The following CSMD1 variants were observed in gnomAD, a reference collection of about 807,000 sequenced individuals.
The protein encoded by CSMD1 is CUB and sushi domain-containing protein 1.
Under a neutral mutation model 417.5 loss-of-function variants are expected in CSMD1, and 213 were observed. The observed-to-expected ratio is 0.51, with a 90% CI of 0.46 to 0.57. CSMD1 has a LOEUF of 0.57. CSMD1 is among the 20% of genes least tolerant of loss of function. The pLI is 0.00. For synonymous variants in CSMD1, 2,862 were observed against 1,736.8 expected (o/e 1.65, Z -16.11); for missense variants, 6,923 against 4,529.7 (o/e 1.53, Z -15.17).
At chr8:4,275,154 C>T (rs542918265) in intron 3 of CSMD1, among the ~76,000 whole-genome samples, 15 of 152,180 alleles carry the variant, frequency 9.9e-5, no homozygotes, top group East Asian at 3.9e-4. Context: ...GTAGCTTTTA[C>T]GGCATAGTTA....
rs570423662 is a variant in CSMD1 at position 4,852,875 on chromosome 8, T to A, written c.85+141457A>T. On this transcript the variant is annotated intron_variant, in intron 1 of 69. Coordinates refer to ENST00000635120, the MANE Select transcript of CSMD1 (RefSeq NM_033225.6). ...CTAGCAAAGAACTTGGTTGCATTGT[T>A]TTCAGGCCCTAGGAATCTGTGGAAG... is the stretch of plus-strand genomic sequence containing the variant. Among the ~76,000 whole-genome samples the A allele has an allele frequency of 1.0e-3, 153 of 152,284 alleles. 1 individual carries two copies. Among genetic ancestry groups the A allele is most frequent in the Middle Eastern group, 3.4e-3 (1 of 294 alleles).
chr8:4,570,218 G>C (rs915849934), intron 2 of CSMD1, among the ~76,000 whole-genome samples: 4 of 152,120 alleles, frequency 2.6e-5, no homozygotes, highest in South Asian at 4.1e-4. Flanking sequence ...TCTTTTGCTG[G>C]TTTTAAAACG....
At position 3,886,793 on chromosome 8, in the gene CSMD1, T is replaced by A. The variant is rs114341939; in HGVS notation, c.818+111110A>T. Among the ~76,000 whole-genome samples, 175 of 152,240 alleles carry A rather than the reference T, an allele frequency of 1.1e-3. 1 individual carries two copies. Among genetic ancestry groups the A allele is most frequent in the African/African-American group, 3.9e-3 (163 of 41,552 alleles). On this transcript the variant is annotated intron_variant, in intron 5 of 69. Coordinates refer to ENST00000635120, the MANE Select transcript of CSMD1 (RefSeq NM_033225.6). ...TAGGGACAGATATACTGCCAAAGAT[T>A]ACAGAAGGAAGGAGGGTAGAATAGA...
At chr8:4,936,691 T>G (rs1807643790) in intron 1 of CSMD1, among the ~76,000 whole-genome samples, 1 of 152,214 alleles carries the variant, frequency 6.6e-6, no homozygotes, top group Non-Finnish European at 1.5e-5. Context: ...GACTAGTAAA[T>G]ATTTCACTGT....
chr8:3,595,112 G>A (rs1464362090), intron 8 of CSMD1, among the ~76,000 whole-genome samples: 1 of 152,294 alleles, frequency 6.6e-6, no homozygotes, highest in African/African-American at 2.4e-5. Context: ...TCCTATAAGG[G>A]AGTTTTTACA....
chr8:4,520,553 A>T (rs191463661), intron 2 of CSMD1, among the ~76,000 whole-genome samples: 52 of 152,174 alleles, frequency 3.4e-4, no homozygotes, highest in African/African-American at 1.1e-3. Context: ...AAACCTCCCC[A>T]TTTTTAAACA....
At chr8:4,745,525 C>T (rs1272113947) in intron 1 of CSMD1, among the ~76,000 whole-genome samples, 1 of 152,110 alleles carries the variant, frequency 6.6e-6, no homozygotes, top group Admixed American at 6.6e-5. Context: ...AGAACCCATT[C>T]AGGCTTTTGT....
At chr8:3,340,020 G>A (rs1224501078) in intron 23 of CSMD1, among the ~76,000 whole-genome samples, 2 of 152,114 alleles carry the variant, frequency 1.3e-5, no homozygotes, top group African/African-American at 2.4e-5. Flanking sequence ...TATTTATTCC[G>A]ATTTGGCCCA....
chr8:4,007,666 T>A (rs1816232825), intron 4 of CSMD1, among the ~76,000 whole-genome samples: 1 of 151,482 alleles, frequency 6.6e-6, no homozygotes, highest in Non-Finnish European at 1.5e-5. Flanking sequence ...GATAGAAGTA[T>A]TCTTTCTTCC....
At chr8:4,336,281 C>A (rs79281138) in intron 3 of CSMD1, among the ~76,000 whole-genome samples, 3,282 of 152,174 alleles carry the variant, frequency 0.022, 41 homozygotes, top group Middle Eastern at 0.034. Flanking sequence ...TATTTTATGT[C>A]AGAAGCTTTA....
intron 5 of CSMD1, among the ~76,000 whole-genome samples, chr8:3,989,276 G>C (rs1395660588): frequency 6.6e-6 from 1 of 152,156 alleles, no homozygotes; most frequent in Admixed American, 6.5e-5. Flanking sequence ...ATCAAGCTCA[G>C]AAGTCATAAA....
At chr8:4,745,393 T>G (rs1376434677) in intron 1 of CSMD1, among the ~76,000 whole-genome samples, 2 of 152,198 alleles carry the variant, frequency 1.3e-5, no homozygotes, top group African/African-American at 4.8e-5. Flanking sequence ...CTTTAATAAG[T>G]ATTAAATATA....
chr8:3,618,020 G>C (rs755324455), intron 7 of CSMD1, among the ~76,000 whole-genome samples: 3 of 152,014 alleles, frequency 2.0e-5, no homozygotes, highest in African/African-American at 7.2e-5. Flanking sequence ...TGTTTGTTTT[G>C]AGACAGGATC....
chr8:3,102,076 G>T (rs1815797952), intron 46 of CSMD1, among the ~76,000 whole-genome samples: 1 of 152,034 alleles, frequency 6.6e-6, no homozygotes, highest in Admixed American at 6.6e-5. Context: ...TGCTGGGATG[G>T]TGATAAGTTT....
chr8:3,423,326 T>C (rs962899645), intron 12 of CSMD1, among the ~76,000 whole-genome samples: 12 of 152,310 alleles, frequency 7.9e-5, no homozygotes, highest in Middle Eastern at 3.4e-3. Context: ...CCATTTTCAG[T>C]CCATTTTTTC....
chr8:4,753,717 C>T (rs1287981774), intron 1 of CSMD1, among the ~76,000 whole-genome samples: 2 of 152,150 alleles, frequency 1.3e-5, no homozygotes, highest in Admixed American at 1.3e-4. Context: ...CAGCTAATAC[C>T]ACCTTCAAGG....
chr8:3,691,493 G>A (rs1335827390), intron 7 of CSMD1, among the ~76,000 whole-genome samples: 1 of 152,196 alleles, frequency 6.6e-6, no homozygotes, highest in Non-Finnish European at 1.5e-5. Flanking sequence ...ATGTTTCACT[G>A]CAAGGCATCT....
At chr8:3,320,789 C>T (rs765075173) in intron 23 of CSMD1, among the ~76,000 whole-genome samples, 5 of 152,178 alleles carry the variant, frequency 3.3e-5, no homozygotes, top group Non-Finnish European at 5.9e-5. Context: ...ATTCCTGAGG[C>T]ATTAATAACC....
At chr8:3,608,233 C>T (rs187270489) in intron 8 of CSMD1, among the ~76,000 whole-genome samples, 9 of 151,658 alleles carry the variant, frequency 5.9e-5, no homozygotes, top group Non-Finnish European at 8.8e-5. Context: ...GGGCAGGTGC[C>T]ACCTGCAGAG....
Sources: allele counts gnomAD v4.1 joint callset (sites outside exome capture counted in the v4.1 genomes callset), GRCh38; gene constraint gnomAD v4.1.1; transcripts MANE v1.5; gene names NCBI Gene and HGNC (gene_info 2026-07-23, HGNC 2026-07-21).